Variants in OR1L8 observed in about 807,000 individuals in gnomAD.
OR1L8 encodes the protein olfactory receptor family 1 subfamily L member 8.
For synonymous variants in OR1L8, 148 were observed against 147.0 expected (o/e 1.01, Z -0.05); for missense variants, 330 against 377.4 (o/e 0.87, Z 1.04).
At chr9:122,552,770 G>A in the OR1L8 span, among the ~76,000 whole-genome samples, 2 of 91,118 alleles carry the variant, frequency 2.2e-5, no homozygotes, top group East Asian at 5.1e-4. Context: ...GTGTGTGTGT[G>A]TGTGTGTGTG....
intron 3 of OR1L8, among the ~76,000 whole-genome samples, chr9:122,575,098 G>T (rs1829628995): frequency 6.6e-6 from 1 of 151,992 alleles, no homozygotes; most frequent in Non-Finnish European, 1.5e-5. Context: ...GATTCAATTT[G>T]CAAACATTTT....
At chr9:122,582,954 G>A (rs1293470515) in intron 1 of OR1L8, among the ~76,000 whole-genome samples, 1 of 151,842 alleles carries the variant, frequency 6.6e-6, no homozygotes, top group Admixed American at 6.6e-5. Context: ...ATAAAAAATA[G>A]AGCTAAATCA....
chr9:122,548,979 T>C, the OR1L8 span, among the ~76,000 whole-genome samples: 53 of 152,202 alleles, frequency 3.5e-4, no homozygotes, highest in African/African-American at 1.2e-3. Context: ...TTAATTTAGT[T>C]CCATTTGTCT....
chr9:122,561,506 C>T, the OR1L8 span, among the ~76,000 whole-genome samples: 4 of 152,044 alleles, frequency 2.6e-5, no homozygotes, highest in African/African-American at 9.7e-5. Context: ...GGCTGCTGAC[C>T]CTTGGATGAG....
chr9:122,579,012 C>A (rs1219292337), intron 1 of OR1L8, among the ~76,000 whole-genome samples: 1 of 151,408 alleles, frequency 6.6e-6, no homozygotes, highest in South Asian at 2.1e-4. Context: ...CCAAACACCA[C>A]CTGTTCCCCA....
intron 1 of OR1L8, among the ~76,000 whole-genome samples, chr9:122,582,119 A>AGAT (rs1400529786): frequency 5.9e-5 from 9 of 152,256 alleles, no homozygotes; most frequent in South Asian, 4.1e-4. Context: ...TTATTTTTGG[A>AGAT]GATAGCAAGA....
chr9:122,565,865 C>T (rs894640989), downstream of OR1L8, among the ~76,000 whole-genome samples: 1 of 152,042 alleles, frequency 6.6e-6, no homozygotes, highest in Non-Finnish European at 1.5e-5. Flanking sequence ...ATGTTGACAC[C>T]CATGAGAATA....
chr9:122,583,206 A>C (rs748405131), intron 1 of OR1L8, 115 bp downstream of exon 1: 2 of 152,092 alleles, frequency 1.3e-5, no homozygotes, highest in Non-Finnish European at 2.9e-5. Flanking sequence ...TGATTTTGCA[A>C]AACAATCAGG....
chr9:122,557,451 C>A, the OR1L8 span, among the ~76,000 whole-genome samples: 2 of 152,008 alleles, frequency 1.3e-5, no homozygotes, highest in East Asian at 3.9e-4. Context: ...GCTTTTTCTG[C>A]ATCTATTTAT....
At chr9:122,549,227 A>G in the OR1L8 span, among the ~76,000 whole-genome samples, 1 of 152,052 alleles carries the variant, frequency 6.6e-6, no homozygotes, top group Non-Finnish European at 1.5e-5. Flanking sequence ...TTAAGACAGC[A>G]TGGCATCCCT....
At chr9:122,577,569 A>T (rs1829679693) in intron 2 of OR1L8, among the ~76,000 whole-genome samples, 1 of 152,334 alleles carries the variant, frequency 6.6e-6, no homozygotes, top group Middle Eastern at 3.4e-3. Flanking sequence ...GCAATAATGA[A>T]CTATTGGATA....
the OR1L8 span, among the ~76,000 whole-genome samples, chr9:122,548,493 A>C: frequency 6.6e-6 from 1 of 152,170 alleles, no homozygotes. Flanking sequence ...TTCAACTCAA[A>C]ATAGTCATTA....
intron 1 of OR1L8, among the ~76,000 whole-genome samples, chr9:122,578,908 T>C (rs1157756504): frequency 6.6e-6 from 1 of 151,876 alleles, no homozygotes; most frequent in African/African-American, 2.4e-5. Context: ...AACTTAAACA[T>C]GTAACCAAAC....
chr9:122,562,224 C>T (rs569783030), downstream of OR1L8, among the ~76,000 whole-genome samples: 49 of 152,348 alleles, frequency 3.2e-4, no homozygotes, highest in Non-Finnish European at 5.9e-4. Flanking sequence ...AGATGGCTGC[C>T]GCCCTTCCCC....
intron 2 of OR1L8, among the ~76,000 whole-genome samples, chr9:122,577,865 A>G (rs896390247): frequency 7.3e-5 from 11 of 150,972 alleles, no homozygotes; most frequent in East Asian, 5.8e-4. Context: ...CCTTCATATC[A>G]TCAGTACCAA....
intron 3 of OR1L8, among the ~76,000 whole-genome samples, chr9:122,576,480 C>A (rs1829659048): frequency 1.3e-5 from 2 of 151,970 alleles, no homozygotes; most frequent in African/African-American, 2.4e-5. Flanking sequence ...GATGATCTGC[C>A]CGCCTTGGCC....
the OR1L8 span, among the ~76,000 whole-genome samples, chr9:122,547,413 G>A: frequency 1.3e-5 from 2 of 152,098 alleles, no homozygotes; most frequent in Non-Finnish European, 2.9e-5. Context: ...GAGGATACAA[G>A]TGCAGTTTTG....
At chr9:122,554,520 G>A in the OR1L8 span, among the ~76,000 whole-genome samples, 1 of 152,172 alleles carries the variant, frequency 6.6e-6, no homozygotes, top group Non-Finnish European at 1.5e-5. Flanking sequence ...GGTGAAGGAA[G>A]GAGAATAGAA....
downstream of OR1L8, among the ~76,000 whole-genome samples, chr9:122,565,560 G>A (rs537896432): frequency 6.6e-5 from 10 of 152,282 alleles, no homozygotes; most frequent in African/African-American, 2.2e-4. Context: ...AGAGACCAAC[G>A]CTGAGCCCCC....
Sources: gnomAD v4.1 joint callset for allele counts (sites outside exome capture counted in the v4.1 genomes callset) on GRCh38, gnomAD v4.1.1 for gene constraint, MANE v1.5 for transcripts, NCBI Gene and HGNC (gene_info 2026-07-23, HGNC 2026-07-21) for gene names.